Variants in C6orf132 observed in about 807,000 individuals in gnomAD.
C6orf132 encodes chromosome 6 open reading frame 132.
C6orf132 carries 43 observed loss-of-function variants against 65.3 expected under a neutral mutation model. The ratio of observed to expected loss-of-function variants is 0.66; its 90% CI spans 0.52 to 0.85. The LOEUF is 0.85. Among genes scored for constraint, C6orf132 ranks in the 40% least tolerant of loss-of-function variants. C6orf132 has a pLI of 0.00. For missense variants in C6orf132, 1,488 were observed against 1,548.8 expected (o/e 0.96, Z 0.66); for synonymous variants, 631 against 654.1 (o/e 0.96, Z 0.54).
intron 1 of C6orf132, among the ~76,000 whole-genome samples, chr6:42,133,341 T>G (rs1170595207): frequency 6.6e-6 from 1 of 152,232 alleles, no homozygotes; most frequent in East Asian, 1.9e-4. Flanking sequence ...TCTCATCCAC[T>G]CTGAAACTTG....
chr6:42,119,248 C>CAA lies in C6orf132; in HGVS notation c.253-8959_253-8958dup, dbSNP rs1156356191. Among the ~76,000 whole-genome samples the CAA allele has an allele frequency of 1.8e-3, 80 of 44,774 alleles. 1 individual carries two copies. The highest frequency in any genetic ancestry group is 6.7e-3 in the African/African-American group (69 of 10,232). 29.4% of individuals were successfully genotyped at this position (44,774 alleles called of 152,430 possible). ...TGGGCACAAGAGCAAGACTCTGTCTCAAAAAAAAAAAAAAAAAAAAAAAAA... is the reference window on the plus strand; with the variant it reads ...TGGGCACAAGAGCAAGACTCTGTCTCAAAAAAAAAAAAAAAAAAAAAAAAAAA... On this transcript the variant is annotated intron_variant, in intron 2 of 4. Transcript: ENST00000341865.
At position 42,110,251 on chromosome 6, in the gene C6orf132, G is replaced by A. The variant is rs1266907735; in HGVS notation, c.293C>T (p.Ser98Leu). 9 of 1,548,230 alleles carry A rather than the reference G, an allele frequency of 5.8e-6. No individual in the cohort carries two copies. The highest frequency in any genetic ancestry group is 4.9e-5 in the East Asian group (2 of 40,458). ...TTTGTCTGCAAAATCATCTGGAACC[G>A]AGGGGGTGGGCACAGCCAGCCCATG... ...ENHGLAVPTP[S>L]VPDDFADKEV... The change falls in exon 3 of 5, where the codon TCG becomes TTG. Residue 98 changes from serine to leucine, a missense_variant. Coordinates refer to ENST00000341865, the MANE Select transcript of C6orf132 (RefSeq NM_001164446.3).
intron 1 of C6orf132, among the ~76,000 whole-genome samples, chr6:42,136,161 C>CAAAAAAAAA: frequency 7.0e-6 from 1 of 142,568 alleles, no homozygotes; most frequent in Non-Finnish European, 1.5e-5. Flanking sequence ...GTAAGCCATC[C>CAAAAAAAAA]AAAAAAAAAA....
chr6:42,142,277 C>T, intron 1 of C6orf132, 23 bp downstream of exon 1: 1 of 1,545,868 alleles, frequency 6.5e-7, no homozygotes, highest in Non-Finnish European at 8.7e-7. Context: ...CGCCCCAGCG[C>T]CCTCCGTCCC....
intron 1 of C6orf132, among the ~76,000 whole-genome samples, chr6:42,136,570 T>C (rs1766946060): frequency 6.6e-6 from 1 of 152,194 alleles, no homozygotes; most frequent in Non-Finnish European, 1.5e-5. Flanking sequence ...CAGTGAAGTA[T>C]GAAGTGTGGC....
At chr6:42,125,159 C>T (rs573484262) in intron 2 of C6orf132, among the ~76,000 whole-genome samples, 27 of 152,048 alleles carry the variant, frequency 1.8e-4, no homozygotes, top group Non-Finnish European at 3.8e-4. Flanking sequence ...GTGGTTTTGC[C>T]GCCTGGTCCT....
chr6:42,131,074 C>G (rs1443080395), intron 1 of C6orf132, among the ~76,000 whole-genome samples: 2 of 151,734 alleles, frequency 1.3e-5, no homozygotes, highest in Admixed American at 1.3e-4. Flanking sequence ...TTAGTAGAGA[C>G]GGGGTTTCAC....
intron 1 of C6orf132, among the ~76,000 whole-genome samples, chr6:42,129,138 T>C (rs1766814326): frequency 6.6e-6 from 1 of 152,228 alleles, no homozygotes; most frequent in Admixed American, 6.5e-5. Flanking sequence ...CTGAAGCTTA[T>C]CTCAGAGAGG....
In C6orf132 at chr6:42,124,240, C is replaced by T. The variant is rs1562039015; in HGVS notation, c.252+4432G>A. Among the ~76,000 whole-genome samples the T allele has an allele frequency of 1.3e-5, 2 of 152,310 alleles. No homozygotes were observed. Among genetic ancestry groups the T allele is most frequent in the East Asian group, 1.9e-4 (1 of 5,182 alleles). The stretch of plus-strand genomic sequence containing the variant: ...TCCCATCCCAGCCACTGAGGGATCC[C>T]GAGGTCCTTTTCCTAGCTGGCCTTT... On this transcript the variant is annotated intron_variant, in intron 2 of 4. Coordinates refer to ENST00000341865, the MANE Select transcript of C6orf132 (RefSeq NM_001164446.3). This position sits in a 1 kb window ranked among gnomAD's most constrained non-coding sequence, Gnocchi z 4.0.
At chr6:42,112,228 G>C (rs554883843) in intron 2 of C6orf132, among the ~76,000 whole-genome samples, 120 of 152,260 alleles carry the variant, frequency 7.9e-4, no homozygotes, top group Non-Finnish European at 2.9e-4. Context: ...AGAAACTGAG[G>C]CTCAAAGACC....
chr6:42,101,880 G>C lies in C6orf132; in HGVS notation c.*1881C>G, dbSNP rs1415756096. On this transcript the variant is annotated 3_prime_UTR_variant, in exon 5 of 5. Transcript: ENST00000341865. Reference sequence around the variant, plus strand: ...CTGTCCTGACAACCAGCCTCGGCTGGTTACCACAAATAATAAAGGTCCAAC... The same window carrying C: ...CTGTCCTGACAACCAGCCTCGGCTGCTTACCACAAATAATAAAGGTCCAAC... 6.6e-6 allele frequency: 1 copy of C among 152,130 alleles called. No homozygotes were observed. The highest frequency in any genetic ancestry group is 2.1e-4 in the South Asian group (1 of 4,828). 9.4% of individuals were successfully genotyped at this position (152,130 alleles called of 1,614,324 possible).
chr6:42,108,528 G>A (rs1766448878), intron 3 of C6orf132, among the ~76,000 whole-genome samples: 1 of 152,162 alleles, frequency 6.6e-6, no homozygotes, highest in Non-Finnish European at 1.5e-5. Flanking sequence ...TGAGAGACCC[G>A]CAGGAGGGAG....
chr6:42,122,239 T>G (rs1195854012), intron 2 of C6orf132, among the ~76,000 whole-genome samples: 1 of 151,174 alleles, frequency 6.6e-6, no homozygotes, highest in Non-Finnish European at 1.5e-5. Context: ...CACCAGGTAT[T>G]ATGGCGGGCC....
In C6orf132 at chr6:42,101,726, G is replaced by C. The variant is rs1369689277; in HGVS notation, c.*2035C>G. 6.6e-6 allele frequency: 1 copy of C among 152,140 alleles called. No individual in the cohort carries two copies. Among genetic ancestry groups the C allele is most frequent in the Non-Finnish European group, 1.5e-5 (1 of 68,052 alleles). The allele number at this position is 152,140 out of a possible 1,614,324, so 9.4% of individuals were successfully genotyped here. A position where few individuals can be genotyped will look rare whatever the true frequency, so the allele number is the denominator to read the frequency against. ...GGGAAAATACATACATAGAGAGCTAGTGCTGGGGCTGGGGTGGGATTTGCT... is the reference window on the plus strand; with the variant it reads ...GGGAAAATACATACATAGAGAGCTACTGCTGGGGCTGGGGTGGGATTTGCT... On this transcript the variant is annotated 3_prime_UTR_variant, in exon 5 of 5. Coordinates refer to ENST00000341865, the MANE Select transcript of C6orf132 (RefSeq NM_001164446.3).
Position 42,107,494 on chromosome 6 carries a change from G to T in C6orf132, c.418C>A (p.Pro140Thr), listed in dbSNP as rs770662142. The T allele has an allele frequency of 1.9e-6, 3 of 1,548,560 alleles. No homozygotes were observed. Among genetic ancestry groups the T allele is most frequent in the South Asian group, 2.4e-5 (2 of 84,016 alleles). ...PGQYGQDLLI[P>T]PPPPGPAPGP... ...GGGGCTGGGCCTGGGGGAGGTGGGG[G>T]GATGAGTAGATCCTGGCCATATTGT... Residue 140 changes from proline (P) to threonine (T), a missense_variant, in exon 4 of 5, where the codon CCC (proline) becomes ACC (threonine). Coordinates refer to ENST00000341865, the MANE Select transcript of C6orf132 (RefSeq NM_001164446.3).
At position 42,124,012 on chromosome 6, in the gene C6orf132, C is replaced by T. The variant is rs896492513; in HGVS notation, c.252+4660G>A. On this transcript the variant is annotated intron_variant, in intron 2 of 4. Transcript: ENST00000341865. This position sits in a 1 kb window ranked among gnomAD's most constrained non-coding sequence, Gnocchi z 4.0. ...CTCCGGTGGCCCTCCAGGGAGCTGA[C>T]CACACCATCTACCCTTCCGTTAGGA... Among the ~76,000 whole-genome samples the T allele has an allele frequency of 1.1e-4, 16 of 152,168 alleles. No individual in the cohort carries two copies. Among genetic ancestry groups the T allele is most frequent in the African/African-American group, 3.6e-4 (15 of 41,436 alleles).
rs1258347969 is a variant in C6orf132, at chr6:42,124,886, GC to G, written c.252+3785del. Among the ~76,000 whole-genome samples, 1 of 152,242 alleles carries G rather than the reference GC, an allele frequency of 6.6e-6. No individual in the cohort carries two copies. The highest frequency in any genetic ancestry group is 2.4e-5 in the African/African-American group (1 of 41,470). On this transcript the variant is annotated intron_variant, in intron 2 of 4. Coordinates refer to ENST00000341865, the MANE Select transcript of C6orf132 (RefSeq NM_001164446.3). This position sits in a 1 kb window ranked among gnomAD's most constrained non-coding sequence, Gnocchi z 4.0. ...GGAGCAAGCGACGAACGACATGGAAGCTGCCCTATCTTGTGACCTGAGTGAG... is the reference window on the plus strand; with the variant it reads ...GGAGCAAGCGACGAACGACATGGAAGTGCCCTATCTTGTGACCTGAGTGAG...
chr6:42,110,308 A>G lies in C6orf132; in HGVS notation c.253-17T>C, dbSNP rs534226186. Reference sequence around the variant, plus strand: ...CTGGGCATTCTGAAAGAGACCAGAAAGAAATCAGGGGACAGGGAAAGATGG... The same window carrying G: ...CTGGGCATTCTGAAAGAGACCAGAAGGAAATCAGGGGACAGGGAAAGATGG... On this transcript the variant is annotated splice_polypyrimidine_tract_variant and intron_variant, in intron 2 of 4. Coordinates refer to ENST00000341865, the MANE Select transcript of C6orf132 (RefSeq NM_001164446.3). 2 of 1,538,008 alleles carry G rather than the reference A, an allele frequency of 1.3e-6. No homozygotes were observed. Among genetic ancestry groups the G allele is most frequent in the East Asian group, 5.0e-5 (2 of 40,174 alleles).
intron 1 of C6orf132, among the ~76,000 whole-genome samples, chr6:42,132,702 G>T (rs1200902591): frequency 2.0e-5 from 3 of 151,050 alleles, no homozygotes; most frequent in Non-Finnish European, 2.9e-5. Flanking sequence ...ACAAAAATTA[G>T]CCGGATGTGG....
Sources: gnomAD v4.1 joint callset for allele counts (sites outside exome capture counted in the v4.1 genomes callset) on GRCh38, gnomAD v4.1.1 for gene constraint, Gnocchi (gnomAD v3.1) non-coding constraint, MANE v1.5 for transcripts, NCBI Gene and HGNC (gene_info 2026-07-23, HGNC 2026-07-21) for gene names.